NPY1R: variants seen among roughly 807,000 people sequenced by gnomAD.
NPY1R encodes the protein neuropeptide Y receptor Y1.
A neutral mutation model predicts 24.1 loss-of-function variants in NPY1R; 10 were observed. The ratio of observed to expected loss-of-function variants is 0.42; its 90% CI spans 0.26 to 0.71. NPY1R has a LOEUF of 0.71. Ranked by LOEUF, NPY1R falls within the 30% of genes least tolerant of loss-of-function variation. The pLI, the probability that NPY1R is intolerant of heterozygous loss-of-function variation, is 0.28. For missense variants in NPY1R, 350 were observed against 458.0 expected (o/e 0.76, Z 2.15); for synonymous variants, 168 against 165.9 (o/e 1.01, Z -0.10).
At chr4:163,329,121 G>C (rs1734671979) in intron 1 of NPY1R, among the ~76,000 whole-genome samples, 1 of 152,046 alleles carries the variant, frequency 6.6e-6, no homozygotes, top group Non-Finnish European at 1.5e-5. Flanking sequence ...TATTATTTCT[G>C]AAAGAAAATT....
At chr4:163,343,258 A>ATTT (rs1266766108) in intron 1 of NPY1R, among the ~76,000 whole-genome samples, 1 of 145,418 alleles carries the variant, frequency 6.9e-6, no homozygotes, top group African/African-American at 2.6e-5. Context: ...AGCAGCGTTG[A>ATTT]TTTCATTTCA....
At chr4:163,330,584 A>G (rs1468879130) in intron 1 of NPY1R, 1 of 152,238 alleles carries the variant, frequency 6.6e-6, no homozygotes, top group African/African-American at 2.4e-5. Context: ...GATATTTACT[A>G]TTCTAATATA....
At chr4:163,336,494 C>T (rs773226318), upstream of NPY1R, among the ~76,000 whole-genome samples, 18 of 152,238 alleles carry the variant, frequency 1.2e-4, no homozygotes, top group Non-Finnish European at 2.5e-4. Context: ...ACCACAACAG[C>T]TCTCATCATC....
chr4:163,341,292 G>A (rs1007322835), intron 1 of NPY1R, among the ~76,000 whole-genome samples: 3 of 152,006 alleles, frequency 2.0e-5, no homozygotes, highest in African/African-American at 7.2e-5. Flanking sequence ...AGTGGATGAA[G>A]AAACATTTAC....
At chr4:163,337,690 T>A (rs1734874618), upstream of NPY1R, among the ~76,000 whole-genome samples, 1 of 152,208 alleles carries the variant, frequency 6.6e-6, no homozygotes. Context: ...GAAGGTTTAT[T>A]AAACAACAAT....
At position 163,343,021 on chromosome 4, in the gene NPY1R, C is replaced by T. The variant is rs1314218052; in HGVS notation, c.-152+1284G>A. 4.3e-4 allele frequency among the ~76,000 whole-genome samples: 64 copies of T among 147,748 alleles called. 1 individual carries two copies. Among genetic ancestry groups the T allele is most frequent in the South Asian group, 2.3e-4 (1 of 4,342 alleles). Reference sequence around the variant, plus strand: ...ACACACACACACACACACACACACGCGCGCGCGCCTAAAGTACCTGCCACC... The same window carrying T: ...ACACACACACACACACACACACACGTGCGCGCGCCTAAAGTACCTGCCACC... On this transcript the variant is annotated intron_variant, in intron 1 of 1. Coordinates refer to the NPY1R transcript ENST00000511901.
upstream of NPY1R, chr4:163,332,662 G>A (rs1215154538): frequency 6.6e-6 from 1 of 152,406 alleles, no homozygotes; most frequent in Admixed American, 6.5e-5. Context: ...ACGTGACGGC[G>A]TCCCGCGAGT....
In NPY1R at chr4:163,324,132, G is replaced by C. The variant is rs1734549023; in HGVS notation, c.*1171C>G. 6.6e-6 allele frequency: 1 copy of C among 152,480 alleles called. No individual in the cohort carries two copies. Among genetic ancestry groups the C allele is most frequent in the African/African-American group, 2.4e-5 (1 of 41,404 alleles). 9.4% of individuals were successfully genotyped at this position (152,480 alleles called of 1,614,324 possible). On this transcript the variant is annotated 3_prime_UTR_variant, in exon 3 of 3. Coordinates refer to ENST00000296533, the MANE Select transcript of NPY1R (RefSeq NM_000909.6). Reference sequence around the variant, plus strand: ...ATGATTACAAGATACATGAAATTAGGCACATTAACATGACACAACTATTCA... The same window carrying C: ...ATGATTACAAGATACATGAAATTAGCCACATTAACATGACACAACTATTCA...
At chr4:163,340,191 A>G (rs971595418) in intron 1 of NPY1R, among the ~76,000 whole-genome samples, 5 of 152,080 alleles carry the variant, frequency 3.3e-5, no homozygotes, top group African/African-American at 1.2e-4. Flanking sequence ...ATATTACAGG[A>G]TACTTATCTT....
intron 1 of NPY1R, among the ~76,000 whole-genome samples, chr4:163,338,143 C>T (rs1204908058): frequency 7.2e-6 from 1 of 137,988 alleles, no homozygotes; most frequent in African/African-American, 2.7e-5. Context: ...TTTTTTTCCC[C>T]CTAGGATCCT....
chr4:163,337,550 T>G (rs1261757669), upstream of NPY1R, among the ~76,000 whole-genome samples: 1 of 152,182 alleles, frequency 6.6e-6, no homozygotes, highest in Non-Finnish European at 1.5e-5. Context: ...CCTGTCCCGC[T>G]GAGGTTTCCC....
upstream of NPY1R, among the ~76,000 whole-genome samples, chr4:163,334,819 G>A (rs1303983790): frequency 2.1e-5 from 3 of 141,940 alleles, no homozygotes; most frequent in African/African-American, 7.9e-5. Flanking sequence ...GAGATCGCAC[G>A]ACTGCACTCC....
chr4:163,334,731 G>A (rs557988165), upstream of NPY1R, among the ~76,000 whole-genome samples: 104 of 151,910 alleles, frequency 6.8e-4, no homozygotes, highest in African/African-American at 1.7e-3. Flanking sequence ...GTGGTGGTGC[G>A]CATCTGTAAT....
intron 1 of NPY1R, among the ~76,000 whole-genome samples, chr4:163,343,516 A>G (rs146545502): frequency 1.4e-3 from 215 of 150,894 alleles, no homozygotes; most frequent in African/African-American, 5.0e-3. Flanking sequence ...ACCCCAAACA[A>G]AGATAAAACC....
At chr4:163,340,514 T>A (rs1734954561) in intron 1 of NPY1R, among the ~76,000 whole-genome samples, 1 of 152,054 alleles carries the variant, frequency 6.6e-6, no homozygotes, top group Non-Finnish European at 1.5e-5. Flanking sequence ...AGAGGGAAAA[T>A]AAACAATGCC....
chr4:163,333,598 A>G (rs1368291602), upstream of NPY1R, among the ~76,000 whole-genome samples: 1 of 152,260 alleles, frequency 6.6e-6, no homozygotes, highest in Non-Finnish European at 1.5e-5. Flanking sequence ...GAGAATTTAT[A>G]AAGATTTCAT....
At chr4:163,333,974 C>G (rs1273455193), upstream of NPY1R, among the ~76,000 whole-genome samples, 1 of 151,112 alleles carries the variant, frequency 6.6e-6, no homozygotes, top group Non-Finnish European at 1.5e-5. Flanking sequence ...AGTAAAATGA[C>G]AACAGATTCA....
intron 1 of NPY1R, among the ~76,000 whole-genome samples, chr4:163,342,064 C>T (rs1234783858): frequency 2.6e-5 from 4 of 152,020 alleles, no homozygotes; most frequent in Non-Finnish European, 5.9e-5. Flanking sequence ...TTGAGACTTG[C>T]TTGTTTGTGG....
In NPY1R at chr4:163,326,053, C is replaced by A; in HGVS notation, c.502G>T (p.Ala168Ser). The A allele has an allele frequency of 6.2e-7, 1 of 1,614,056 alleles. No homozygotes were observed. The highest frequency in any genetic ancestry group is 8.5e-7 in the Non-Finnish European group (1 of 1,179,966). ...TAGATCAGGAAAGGCAAAGAAGAAG[C>A]CACAGCAAGGACCCAAATCACAGCA... is the stretch of plus-strand genomic sequence containing the variant. ...GIAVIWVLAV[A>S]SSLPFLIYQV... The change falls in exon 2 of 3, where the codon GCT becomes TCT. Residue 168 changes from alanine to serine, a missense_variant. By Grantham distance (99) the Ala-to-Ser change is moderately conservative. Transcript: ENST00000296533.
Sources: gnomAD v4.1 joint callset for allele counts (sites outside exome capture counted in the v4.1 genomes callset) on GRCh38, gnomAD v4.1.1 for gene constraint, MANE v1.5 for transcripts, NCBI Gene and HGNC (gene_info 2026-07-23, HGNC 2026-07-21) for gene names.